Variants in COMMD10 observed in about 807,000 individuals in gnomAD.
COMMD10 encodes COMM domain-containing protein 10.
COMMD10 carries 33 observed loss-of-function variants against 28.9 expected under a neutral mutation model. The observed-to-expected ratio is 1.14, with a 90% CI of 0.87 to 1.53. COMMD10 has a LOEUF of 1.53. COMMD10 is among the 40% of genes most tolerant of loss of function. COMMD10 has a pLI of 0.00. For synonymous variants in COMMD10, 110 were observed against 81.7 expected, an observed-to-expected ratio of 1.35 and a Z score of -1.87; for missense variants, 310 against 233.4, an observed-to-expected ratio of 1.33 and a Z score of -2.14.
intron 5 of COMMD10, among the ~76,000 whole-genome samples, chr5:116,187,824 G>C (rs566371331): frequency 1.3e-5 from 2 of 151,966 alleles, no homozygotes; most frequent in Admixed American, 1.3e-4. Context: ...GTTGTAAACA[G>C]TGTTTTTTTA....
chr5:116,243,656 A>G (rs1372346043), intron 5 of COMMD10, among the ~76,000 whole-genome samples: 3 of 152,150 alleles, frequency 2.0e-5, no homozygotes, highest in Admixed American at 6.6e-5. Context: ...TATTAACAAG[A>G]TATCCCTGGA....
intron 4 of COMMD10, among the ~76,000 whole-genome samples, chr5:116,099,744 T>C (rs555591074): frequency 1.2e-4 from 19 of 152,290 alleles, no homozygotes; most frequent in East Asian, 9.6e-4. Context: ...TATGCCTTTT[T>C]TTGGTGGGGA....
At chr5:116,156,124 T>C (rs1319356444) in intron 5 of COMMD10, among the ~76,000 whole-genome samples, 3 of 152,072 alleles carry the variant, frequency 2.0e-5, no homozygotes, top group African/African-American at 7.2e-5. Context: ...TGCATTTATG[T>C]ACAAAATAAA....
intron 5 of COMMD10, among the ~76,000 whole-genome samples, chr5:116,259,088 A>G (rs1388832081): frequency 8.0e-6 from 1 of 124,780 alleles, no homozygotes; most frequent in Non-Finnish European, 1.6e-5. Flanking sequence ...TTTTCCTGAG[A>G]GTCTCGCTTT....
At chr5:116,168,194 C>A (rs1285554257) in intron 5 of COMMD10, among the ~76,000 whole-genome samples, 1 of 146,300 alleles carries the variant, frequency 6.8e-6, no homozygotes, top group Non-Finnish European at 1.5e-5. Flanking sequence ...GTCCTAGTGT[C>A]AGATAAAACA....
intron 5 of COMMD10, among the ~76,000 whole-genome samples, chr5:116,284,624 A>T (rs905249989): frequency 2.6e-5 from 4 of 151,934 alleles, no homozygotes; most frequent in Admixed American, 6.6e-5. Flanking sequence ...TTATATATAC[A>T]TTGTCAGATT....
intron 4 of COMMD10, among the ~76,000 whole-genome samples, chr5:116,122,136 G>T (rs897594518): frequency 1.6e-4 from 24 of 152,088 alleles, no homozygotes; most frequent in Admixed American, 1.2e-3. Flanking sequence ...AAGTCTGTAA[G>T]CCATCTTGAA....
At chr5:116,154,302 G>C (rs1752633722) in intron 5 of COMMD10, among the ~76,000 whole-genome samples, 1 of 152,058 alleles carries the variant, frequency 6.6e-6, no homozygotes. Flanking sequence ...TTGATGATGA[G>C]ATATATAAAT....
At chr5:116,120,461 A>C (rs982107022) in intron 4 of COMMD10, among the ~76,000 whole-genome samples, 2 of 152,128 alleles carry the variant, frequency 1.3e-5, no homozygotes, top group African/African-American at 4.8e-5. Flanking sequence ...GAACTTACCC[A>C]TGTAAGCAAA....
Position 116,214,934 on chromosome 5 carries a change from A to AC in COMMD10, c.511-76583_511-76582insC, listed in dbSNP as rs1345781173. Reference sequence around the variant, plus strand: ...ATTTTCTATACTTTCATTCCCACTTATTAGTCACAAATTATGGGGCTGGAG... The same window carrying AC: ...ATTTTCTATACTTTCATTCCCACTTACTTAGTCACAAATTATGGGGCTGGAG... On this transcript the variant is annotated intron_variant, in intron 5 of 6. Transcript: ENST00000274458. Among the ~76,000 whole-genome samples the AC allele has an allele frequency of 5.3e-5, 8 of 152,194 alleles. No individual in the cohort carries two copies. The East Asian group carries it at 1.5e-3, about 29-fold the overall frequency.
chr5:116,238,118 C>T (rs1436918953), intron 5 of COMMD10, among the ~76,000 whole-genome samples: 1 of 152,158 alleles, frequency 6.6e-6, no homozygotes, highest in Admixed American at 6.5e-5. Flanking sequence ...AGGCCATCGC[C>T]TTGAACTGTT....
intron 5 of COMMD10, among the ~76,000 whole-genome samples, chr5:116,166,724 A>G (rs1391119635): frequency 1.3e-5 from 2 of 152,208 alleles, no homozygotes; most frequent in African/African-American, 4.8e-5. Context: ...GACCTCCAGC[A>G]AACTCCAGCA....
chr5:116,145,734 G>A (rs1338607608), intron 5 of COMMD10, among the ~76,000 whole-genome samples: 3 of 151,830 alleles, frequency 2.0e-5, no homozygotes, highest in African/African-American at 7.3e-5. Context: ...CCCCCATGCT[G>A]TTCTCCTGAT....
rs546009812 is a variant in COMMD10, at chr5:116,184,490, C to T, written c.510+50312C>T. ...CATATTTTTAGTAGTTGCAATTTCA[C>T]CTCCACCCCGCCTTTCTGGGTTGAT... On this transcript the variant is annotated intron_variant, in intron 5 of 6. Transcript: ENST00000274458. 2.6e-5 allele frequency among the ~76,000 whole-genome samples: 4 copies of T among 152,020 alleles called. No homozygotes were observed. The South Asian group carries it at 8.3e-4, about 32-fold the overall frequency.
rs139368274 is a variant in COMMD10 at position 116,218,956 on chromosome 5, G to A, written c.511-72561G>A. ...CAATGTGTCTGTATTTGGAGATAGG[G>A]CCTTTAATGATGTAATTAAGGTTAA... On this transcript the variant is annotated intron_variant, in intron 5 of 6. Coordinates refer to ENST00000274458, the MANE Select transcript of COMMD10 (RefSeq NM_016144.4). 4.8e-3 allele frequency among the ~76,000 whole-genome samples: 725 copies of A among 152,228 alleles called. 4 individuals carry two copies. The highest frequency in any genetic ancestry group is 7.6e-3 in the Non-Finnish European group (516 of 68,020).
intron 5 of COMMD10, among the ~76,000 whole-genome samples, chr5:116,276,749 A>C (rs1750928757): frequency 6.6e-6 from 1 of 151,806 alleles, no homozygotes; most frequent in Non-Finnish European, 1.5e-5. Context: ...AAATGAATGA[A>C]ACTGGTCACA....
At chr5:116,138,260 C>T (rs1580479703) in intron 5 of COMMD10, among the ~76,000 whole-genome samples, 1 of 151,758 alleles carries the variant, frequency 6.6e-6, no homozygotes, top group Non-Finnish European at 1.5e-5. Flanking sequence ...AAGCTTTCTA[C>T]ATTATTGACT....
In COMMD10 at chr5:116,248,440, A is replaced by G. The variant is rs143633164; in HGVS notation, c.511-43077A>G. 1.9e-4 allele frequency among the ~76,000 whole-genome samples: 29 copies of G among 152,168 alleles called. 1 individual carries two copies. In the East Asian group the frequency reaches 5.4e-3, roughly 28 times the overall value. ...AAAGAATTAAGGTTATTTACAACAA[A>G]GACTCCGGAAAGGTAAAGGAAGATA... On this transcript the variant is annotated intron_variant, in intron 5 of 6. Coordinates refer to ENST00000274458, the MANE Select transcript of COMMD10 (RefSeq NM_016144.4).
chr5:116,250,484 A>T (rs367853496), intron 5 of COMMD10, among the ~76,000 whole-genome samples: 1 of 151,692 alleles, frequency 6.6e-6, no homozygotes, highest in Non-Finnish European at 1.5e-5. Flanking sequence ...AAAAAGGAAA[A>T]AAAATTCTAT....
Sources: gnomAD v4.1 joint callset for allele counts (sites outside exome capture counted in the v4.1 genomes callset) on GRCh38, gnomAD v4.1.1 for gene constraint, MANE v1.5 for transcripts, NCBI Gene and HGNC (gene_info 2026-07-23, HGNC 2026-07-21) for gene names.